The following EDRF1 variants were observed in gnomAD, a reference collection of about 807,000 sequenced individuals.
EDRF1 encodes the protein erythroid differentiation-related factor 1.
EDRF1 carries 69 observed loss-of-function variants against 148.7 expected under a neutral mutation model. The observed-to-expected ratio is 0.46, with a 90% CI of 0.38 to 0.57. EDRF1 has a LOEUF of 0.57. EDRF1 is among the 20% of genes least tolerant of loss of function. The pLI is 0.00. For synonymous variants in EDRF1, 515 were observed against 532.8 expected (o/e 0.97, Z 0.46); for missense variants, 1,118 against 1,478.7 (o/e 0.76, Z 4.00).
In EDRF1 at chr10:125,730,287, G is replaced by A; in HGVS notation, c.1017-1G>A. On this transcript the variant is annotated splice_acceptor_variant, in intron 8 of 24. Transcript: ENST00000356792. LOFTEE classifies it high-confidence loss of function. ...ATAACACTAGAAATGTATATTTTTAGGGATAACAACAAACCAATTAATGTG... is the reference window on the plus strand; with the variant it reads ...ATAACACTAGAAATGTATATTTTTAAGGATAACAACAAACCAATTAATGTG... 1.2e-6 allele frequency: 2 copies of A among 1,605,794 alleles called. No individual in the cohort carries two copies. Among genetic ancestry groups the A allele is most frequent in the Non-Finnish European group, 1.7e-6 (2 of 1,172,578 alleles).
At position 125,763,716 on chromosome 10, in the gene EDRF1, T is replaced by TAGTA. The variant is rs1423539303; in HGVS notation, c.*245_*248dup. On this transcript the variant is annotated 3_prime_UTR_variant, in exon 25 of 25. Coordinates refer to ENST00000356792, the MANE Select transcript of EDRF1 (RefSeq NM_001202438.2). This position sits in a 1 kb window ranked among gnomAD's most constrained non-coding sequence, Gnocchi z 4.3. ...ACTATTTATGTCTTTGAGAAGTATG[T>TAGTA]AGTACCTCGGTATTAACAGACCTGC... 1.8e-6 allele frequency: 1 copy of TAGTA among 552,884 alleles called. No individual in the cohort carries two copies. The highest frequency in any genetic ancestry group is 3.2e-6 in the Non-Finnish European group (1 of 309,598). 34.2% of individuals were successfully genotyped at this position (552,884 alleles called of 1,614,324 possible). A position where few individuals can be genotyped will look rare whatever the true frequency, so the allele number is the denominator to read the frequency against.
At chr10:125,742,891 T>C in intron 17 of EDRF1, 167 bp from the exon 18 acceptor site, 1 of 837,536 alleles carries the variant, frequency 1.2e-6, no homozygotes, top group Non-Finnish European at 1.4e-6. Context: ...TATAAATAAA[T>C]AGATCTTTAT....
chr10:125,763,355 G>T lies in EDRF1; in HGVS notation c.3600G>T (p.Gln1200His). 6.2e-7 allele frequency: 1 copy of T among 1,613,630 alleles called. No individual in the cohort carries two copies. The highest frequency in any genetic ancestry group is 8.5e-7 in the Non-Finnish European group (1 of 1,180,024). ...ILKTNKHIYSQLLRATANKTA... is the reference protein window; with the variant it reads ...ILKTNKHIYSHLLRATANKTA... ...AAACCAACAAGCACATTTACTCCCA[G>T]CTTTTGAGAGCAACTGCAAATAAAA... is the stretch of plus-strand genomic sequence containing the variant. The change falls in exon 25 of 25, where the codon CAG becomes CAT. Residue 1200 changes from glutamine (Q) to histidine (H), a missense_variant. Gln to His is a conservative substitution (Grantham distance 24). Around this residue, in one of 3 missense-constraint regions of EDRF1, gnomAD observed 954 missense variants for 1,241.4 expected, o/e 0.77. Transcript: ENST00000356792. The surrounding 1 kb of genome is among the most constrained non-coding windows in gnomAD (Gnocchi z 4.3).
intron 4 of EDRF1, among the ~76,000 whole-genome samples, chr10:125,724,653 C>A (rs1379670129): frequency 2.6e-5 from 4 of 152,194 alleles, no homozygotes; most frequent in African/African-American, 9.6e-5. Flanking sequence ...TTAATTGATG[C>A]TCTTTAGCCT....
At chr10:125,754,421 T>C (rs1849793995) in intron 24 of EDRF1, among the ~76,000 whole-genome samples, 1 of 152,196 alleles carries the variant, frequency 6.6e-6, no homozygotes, top group African/African-American at 2.4e-5. Context: ...AACGTTTTCC[T>C]TGAGGGAGAT....
At chr10:125,761,763 A>G (rs1051838272) in intron 24 of EDRF1, among the ~76,000 whole-genome samples, 1 of 152,200 alleles carries the variant, frequency 6.6e-6, no homozygotes, top group Admixed American at 6.5e-5. Context: ...TAAGTTTATG[A>G]TCCCTGCAGC....
Position 125,747,922 on chromosome 10 carries a change from A to C in EDRF1, c.3033A>C (p.Ser1011=). 1 of 1,614,202 alleles carries C rather than the reference A, an allele frequency of 6.2e-7. No individual in the cohort carries two copies. Among genetic ancestry groups the C allele is most frequent in the Non-Finnish European group, 8.5e-7 (1 of 1,180,010 alleles). The change falls in exon 21 of 25, where the codon TCA becomes TCC. Residue 1011 remains serine (S), a synonymous_variant. Transcript: ENST00000356792. The stretch of plus-strand genomic sequence containing the variant: ...CCCTAAAATACTGCGATGTGGATTC[A>C]GTGTCTGCTCGACAGCCCCTTTGTC... ...MKSLKYCDVD[S]VSARQPLCQY... is the part of the protein sequence containing the mutation.
At chr10:125,719,975 G>GT in intron 1 of EDRF1, 60 bp downstream of exon 1, 5 of 1,480,200 alleles carry the variant, frequency 3.4e-6, no homozygotes, top group Non-Finnish European at 3.7e-6. Context: ...CCGCTCCACC[G>GT]GGGAGGGATG....
At chr10:125,754,215 CAAAA>C (rs60189890) in intron 24 of EDRF1, among the ~76,000 whole-genome samples, 2 of 93,410 alleles carry the variant, frequency 2.1e-5, no homozygotes, top group Non-Finnish European at 4.7e-5. Context: ...GACACCATCT[CAAAA>C]AAAAAAAAAA....
intron 15 of EDRF1, among the ~76,000 whole-genome samples, chr10:125,740,124 TG>T (rs1848937868): frequency 6.6e-6 from 1 of 152,220 alleles, no homozygotes; most frequent in African/African-American, 2.4e-5. Flanking sequence ...GCTTTCACGC[TG>T]ATCTAAGCTG....
In EDRF1 at chr10:125,742,472, G is replaced by GA. The variant is rs1288418729; in HGVS notation, c.2372-581dup. 2.9e-6 allele frequency: 3 copies of GA among 1,024,472 alleles called. No individual in the cohort carries two copies. The African/African-American group carries it at 5.2e-5, about 18-fold the overall frequency. The allele number at this position is 1,024,472 out of a possible 1,614,324, so 63.5% of individuals were successfully genotyped here. ...CTAGAGGAGTATACTGGGGGAGAGGGAAAAATGTGTTATTTTGTAATAGTT... is the reference window on the plus strand; with the variant it reads ...CTAGAGGAGTATACTGGGGGAGAGGGAAAAAATGTGTTATTTTGTAATAGTT... On this transcript the variant is annotated intron_variant, in intron 17 of 24. Coordinates refer to ENST00000356792, the MANE Select transcript of EDRF1 (RefSeq NM_001202438.2).
At chr10:125,730,841 C>T (rs569674555) in intron 9 of EDRF1, among the ~76,000 whole-genome samples, 15 of 152,210 alleles carry the variant, frequency 9.9e-5, no homozygotes, top group East Asian at 7.7e-4. Context: ...ACACGTATCC[C>T]CATTATAAGT....
At chr10:125,736,097 C>T (rs1163437202) in intron 13 of EDRF1, among the ~76,000 whole-genome samples, 193 bp downstream of exon 13, 1 of 152,094 alleles carries the variant, frequency 6.6e-6, no homozygotes. Flanking sequence ...TTATGCAAGC[C>T]TATAGTGGAC....
chr10:125,752,374 CT>C (rs1351274232), intron 22 of EDRF1, among the ~76,000 whole-genome samples: 1 of 152,186 alleles, frequency 6.6e-6, no homozygotes, highest in African/African-American at 2.4e-5. Flanking sequence ...AAAACAAAAC[CT>C]TGTTCATCTG....
intron 8 of EDRF1, 44 bp downstream of exon 8, chr10:125,729,523 T>G: frequency 1.9e-6 from 3 of 1,612,650 alleles, no homozygotes; most frequent in Non-Finnish European, 2.5e-6. Flanking sequence ...GGTATTTAAA[T>G]TCTTCCTTTA....
Position 125,753,683 on chromosome 10 carries a change from G to C in EDRF1, c.3394-11G>C, listed in dbSNP as rs537896230. ...GATAGCTCGAGTAAAATAACTTTTT[G>C]TTGTTTTTAGCCTAAGAGTGGTGAC... On this transcript the variant is annotated splice_polypyrimidine_tract_variant and intron_variant, in intron 23 of 24. Coordinates refer to ENST00000356792, the MANE Select transcript of EDRF1 (RefSeq NM_001202438.2). 9.9e-6 allele frequency: 16 copies of C among 1,613,962 alleles called. No individual in the cohort carries two copies. In the African/African-American group the frequency reaches 1.2e-4, roughly 12 times the overall value.
intron 17 of EDRF1, among the ~76,000 whole-genome samples, chr10:125,741,968 A>G (rs1849040637): frequency 6.6e-6 from 1 of 152,238 alleles, no homozygotes; most frequent in Non-Finnish European, 1.5e-5. Flanking sequence ...TGCTGGGATT[A>G]CAGGCACGAG....
Position 125,748,027 on chromosome 10 carries a change from A to G in EDRF1, c.3123+15A>G. 6.2e-7 allele frequency: 1 copy of G among 1,613,962 alleles called. No individual in the cohort carries two copies. The highest frequency in any genetic ancestry group is 8.5e-7 in the Non-Finnish European group (1 of 1,179,842). On this transcript the variant is annotated intron_variant, in intron 21 of 24. Coordinates refer to ENST00000356792, the MANE Select transcript of EDRF1 (RefSeq NM_001202438.2). ...TGAGGAATCAGGTATTGTCAGTCCA[A>G]GTTAAGTACAGTGCCACATCAGTTT...
At chr10:125,742,089 A>G (rs1849052655) in intron 17 of EDRF1, 1 of 544,730 alleles carries the variant, frequency 1.8e-6, no homozygotes, top group African/African-American at 1.9e-5. Flanking sequence ...TGAAAGGTAT[A>G]ACAGTTGGTG....
Sources: gnomAD v4.1 joint callset for allele counts (sites outside exome capture counted in the v4.1 genomes callset) on GRCh38, gnomAD v4.1.1 for gene constraint, gnomAD v4.1.1 regional missense constraint, Gnocchi (gnomAD v3.1) non-coding constraint, MANE v1.5 for transcripts, NCBI Gene and HGNC (gene_info 2026-07-23, HGNC 2026-07-21) for gene names.